Variants in FRMD5 observed in about 807,000 individuals in gnomAD.
FRMD5 encodes the protein FERM domain containing 5.
In FRMD5, 20 loss-of-function variants were observed where a neutral mutation model predicts 69.0. That is an observed-to-expected ratio of 0.29 (90% confidence interval 0.20 to 0.42). The LOEUF (loss-of-function observed/expected upper bound fraction) is 0.42. Ranked by LOEUF, FRMD5 falls within the 10% of genes least tolerant of loss-of-function variation. The pLI is 1.00. For synonymous variants in FRMD5, 271 were observed against 260.1 expected (o/e 1.04, Z -0.40); for missense variants, 595 against 708.6 (o/e 0.84, Z 1.82).
chr15:44,139,727 C>CAAAAAAAAAAAAAAAAAAAAAAAAAAAAA, intron 1 of FRMD5, among the ~76,000 whole-genome samples: 1 of 72,026 alleles, frequency 1.4e-5, no homozygotes, highest in Non-Finnish European at 2.4e-5. Flanking sequence ...CCAGTCTCTA[C>CAAAAAAAAAAAAAAAAAAAAAAAAAAAAA]AAAAAAAAAA....
At chr15:44,094,737 C>G (rs1409049928) in intron 1 of FRMD5, among the ~76,000 whole-genome samples, 1 of 152,094 alleles carries the variant, frequency 6.6e-6, no homozygotes, top group African/African-American at 2.4e-5. Context: ...CTCTGAGCTA[C>G]TGATATATGA....
rs778374176 is a variant in FRMD5 at position 43,871,868 on chromosome 15, C to T, written c.*2017G>A. ...CTTTAAACAAGCAACCCTAGTGCCTCCACTGGGAAGAGGTCCCAGATCTTT... is the reference window on the plus strand; with the variant it reads ...CTTTAAACAAGCAACCCTAGTGCCTTCACTGGGAAGAGGTCCCAGATCTTT... On this transcript the variant is annotated 3_prime_UTR_variant, in exon 14 of 14. Transcript: ENST00000417257. The T allele has an allele frequency of 1.3e-5, 2 of 152,184 alleles. No homozygotes were observed. Among genetic ancestry groups the T allele is most frequent in the Non-Finnish European group, 2.9e-5 (2 of 68,046 alleles). 9.4% of individuals were successfully genotyped at this position (152,184 alleles called of 1,614,324 possible). A position where few individuals can be genotyped will look rare whatever the true frequency, so the allele number is the denominator to read the frequency against.
intron 1 of FRMD5, among the ~76,000 whole-genome samples, chr15:44,105,741 G>T (rs1259900491): frequency 6.6e-6 from 1 of 152,088 alleles, no homozygotes; most frequent in Non-Finnish European, 1.5e-5. Flanking sequence ...TTAAAAAAAT[G>T]GACCTATTTT....
chr15:44,181,136 C>G (rs921828486), intron 1 of FRMD5, among the ~76,000 whole-genome samples: 2 of 152,040 alleles, frequency 1.3e-5, no homozygotes, highest in Admixed American at 6.5e-5. Context: ...AACTCTGGGG[C>G]TCGAGCAATT....
intron 1 of FRMD5, among the ~76,000 whole-genome samples, chr15:44,177,167 T>C (rs1267873656): frequency 6.6e-6 from 1 of 152,078 alleles, no homozygotes; most frequent in Non-Finnish European, 1.5e-5. Context: ...CACTCTTAGG[T>C]ATCCATCCAA....
chr15:43,993,256 G>C (rs866191026), intron 1 of FRMD5, among the ~76,000 whole-genome samples: 1 of 152,024 alleles, frequency 6.6e-6, no homozygotes, highest in African/African-American at 2.4e-5. Flanking sequence ...GCAGTGGCAC[G>C]ATCTCGGCTC....
At chr15:44,174,180 T>A (rs2077853235) in intron 1 of FRMD5, among the ~76,000 whole-genome samples, 1 of 152,244 alleles carries the variant, frequency 6.6e-6, no homozygotes, top group African/African-American at 2.4e-5. Context: ...CCAAAGCCAA[T>A]CTCAGAATTG....
chr15:43,914,478 TATCCATCATCC>T (rs998741350), intron 4 of FRMD5, among the ~76,000 whole-genome samples: 24 of 152,280 alleles, frequency 1.6e-4, no homozygotes, highest in Admixed American at 3.3e-4. Flanking sequence ...CTTATCCATC[TATCCATCATCC>T]ATCCATCATC....
intron 1 of FRMD5, chr15:44,064,248 C>G: frequency 5.9e-6 from 1 of 169,492 alleles, no homozygotes; most frequent in Non-Finnish European, 1.2e-5. Context: ...AGTCATGGAT[C>G]TGATCTGCTA....
At chr15:43,993,436 G>A (rs754066275) in intron 1 of FRMD5, among the ~76,000 whole-genome samples, 18 of 152,102 alleles carry the variant, frequency 1.2e-4, no homozygotes, top group South Asian at 2.1e-4. Context: ...CTCGTGATCC[G>A]CCCGCCTTGG....
At chr15:44,047,626 G>C (rs1437371325) in intron 1 of FRMD5, among the ~76,000 whole-genome samples, 1 of 152,126 alleles carries the variant, frequency 6.6e-6, no homozygotes, top group East Asian at 1.9e-4. Context: ...ACAATTCAGT[G>C]ATTTTTGATA....
chr15:43,996,495 C>G (rs1206947329), intron 1 of FRMD5, among the ~76,000 whole-genome samples: 1 of 152,082 alleles, frequency 6.6e-6, no homozygotes, highest in Non-Finnish European at 1.5e-5. Flanking sequence ...TACATGATAC[C>G]TCATTGCTGT....
intron 1 of FRMD5, among the ~76,000 whole-genome samples, chr15:44,010,874 C>T (rs894004738): frequency 6.6e-6 from 1 of 151,534 alleles, no homozygotes; most frequent in Non-Finnish European, 1.5e-5. Context: ...CATTACTCAA[C>T]GTTAAAAAAA....
chr15:43,952,497 C>A (rs1446893415), intron 1 of FRMD5, among the ~76,000 whole-genome samples: 1 of 152,200 alleles, frequency 6.6e-6, no homozygotes, highest in African/African-American at 2.4e-5. Flanking sequence ...ACCTCAGCAG[C>A]CAGTCTCTTT....
chr15:43,900,135 G>C (rs923197440), intron 7 of FRMD5, among the ~76,000 whole-genome samples: 1 of 152,246 alleles, frequency 6.6e-6, no homozygotes, highest in Admixed American at 6.5e-5. Flanking sequence ...AGCAGTTCAG[G>C]GAGCAGTTAT....
chr15:43,939,066 TC>T (rs1206513314), intron 1 of FRMD5, among the ~76,000 whole-genome samples: 1 of 151,942 alleles, frequency 6.6e-6, no homozygotes, highest in African/African-American at 2.4e-5. Context: ...AGATGGAGTT[TC>T]CCCATGTTGG....
At chr15:43,995,724 G>C (rs1434971420) in intron 1 of FRMD5, among the ~76,000 whole-genome samples, 4 of 152,052 alleles carry the variant, frequency 2.6e-5, no homozygotes, top group Non-Finnish European at 5.9e-5. Context: ...ATGGTACCTG[G>C]AATCCTGGGG....
chr15:44,015,886 A>C (rs1019023086), intron 1 of FRMD5, among the ~76,000 whole-genome samples: 30 of 152,334 alleles, frequency 2.0e-4, no homozygotes, highest in African/African-American at 6.7e-4. Flanking sequence ...TTTTAAGTAA[A>C]TGAAAGGTTG....
chr15:44,118,554 C>T (rs2076902544), intron 1 of FRMD5, among the ~76,000 whole-genome samples: 1 of 152,138 alleles, frequency 6.6e-6, no homozygotes, highest in South Asian at 2.1e-4. Context: ...TTTCTATGAA[C>T]CTGTCTTCTT....
Sources: allele counts gnomAD v4.1 joint callset (sites outside exome capture counted in the v4.1 genomes callset), GRCh38; gene constraint gnomAD v4.1.1; transcripts MANE v1.5; gene names NCBI Gene and HGNC (gene_info 2026-07-23, HGNC 2026-07-21).